Variants in BRINP2 observed in about 807,000 individuals in gnomAD.
The protein encoded by BRINP2 is BMP/retinoic acid inducible neural specific 2.
BRINP2 carries 21 observed loss-of-function variants against 69.2 expected under a neutral mutation model. The observed-to-expected ratio is 0.30, with a 90% CI of 0.22 to 0.44. The LOEUF (loss-of-function observed/expected upper bound fraction) is 0.44. BRINP2 is among the 20% of genes least tolerant of loss of function. The pLI, the probability that BRINP2 is intolerant of heterozygous loss-of-function variation, is 1.00. For missense variants in BRINP2, 877 were observed against 986.0 expected (o/e 0.89, Z 1.48); for synonymous variants, 380 against 394.1 (o/e 0.96, Z 0.42).
intron 4 of BRINP2, among the ~76,000 whole-genome samples, chr1:177,271,608 T>C (rs936515262): frequency 5.3e-5 from 8 of 152,072 alleles, no homozygotes; most frequent in African/African-American, 1.9e-4. Context: ...TCCCAGAGAG[T>C]TCTTGGGAAA....
intron 1 of BRINP2, among the ~76,000 whole-genome samples, chr1:177,179,359 A>G (rs992316069): frequency 3.9e-5 from 6 of 152,192 alleles, no homozygotes; most frequent in Non-Finnish European, 8.8e-5. Context: ...TGTTTCTTCT[A>G]TGTAACCAAG....
rs183869400 is a variant in BRINP2, at chr1:177,184,570, G to A, written c.-77+12838G>A. Among the ~76,000 whole-genome samples, 54 of 152,042 alleles carry A rather than the reference G, an allele frequency of 3.6e-4. 1 individual carries two copies. Among genetic ancestry groups the A allele is most frequent in the African/African-American group, 1.2e-3 (50 of 41,480 alleles). Reference sequence around the variant, plus strand: ...ACTGCAGCCAAGGTCCTACAATGATGCGAAGAGGCCAAGTAGTATGTCTAC... The same window carrying A: ...ACTGCAGCCAAGGTCCTACAATGATACGAAGAGGCCAAGTAGTATGTCTAC... On this transcript the variant is annotated intron_variant, in intron 1 of 7. Transcript: ENST00000361539.
At chr1:177,272,701 G>T (rs1393238498) in intron 4 of BRINP2, among the ~76,000 whole-genome samples, 1 of 152,154 alleles carries the variant, frequency 6.6e-6, no homozygotes, top group East Asian at 1.9e-4. Flanking sequence ...AACAGTGGCT[G>T]CTCAATAAAT....
At chr1:177,218,697 CCT>C (rs1649443360) in intron 1 of BRINP2, among the ~76,000 whole-genome samples, 1 of 152,074 alleles carries the variant, frequency 6.6e-6, no homozygotes, top group South Asian at 2.1e-4. Context: ...TAGGGAATTT[CCT>C]CTGTGTGGCA....
intron 1 of BRINP2, among the ~76,000 whole-genome samples, chr1:177,200,292 T>TAA (rs1648866674): frequency 2.9e-4 from 2 of 6,934 alleles, no homozygotes; most frequent in African/African-American, 3.8e-4. Context: ...AAACTCTGTC[T>TAA]CAAAAAAAAA....
chr1:177,204,562 G>A (rs1649016872), intron 1 of BRINP2, among the ~76,000 whole-genome samples: 1 of 152,132 alleles, frequency 6.6e-6, no homozygotes, highest in South Asian at 2.1e-4. Context: ...GGTGTCAAAT[G>A]GGCTTATGCA....
At chr1:177,278,430 AGGGAAAT>A in intron 6 of BRINP2, 126 bp from the exon 7 acceptor site, 1 of 773,238 alleles carries the variant, frequency 1.3e-6, no homozygotes, top group Non-Finnish European at 2.2e-6. Flanking sequence ...AAAAGCACCC[AGGGAAAT>A]GGGTGTGCAG....
At chr1:177,208,886 T>G (rs1034445384) in intron 1 of BRINP2, among the ~76,000 whole-genome samples, 1 of 152,222 alleles carries the variant, frequency 6.6e-6, no homozygotes, top group Non-Finnish European at 1.5e-5. Flanking sequence ...GGTGTGTTGA[T>G]GGTACCCAGA....
At chr1:177,253,892 G>A (rs1650666253) in intron 2 of BRINP2, among the ~76,000 whole-genome samples, 1 of 151,792 alleles carries the variant, frequency 6.6e-6, no homozygotes, top group South Asian at 2.1e-4. Flanking sequence ...ATGGACATTT[G>A]GGGAAGGTTA....
chr1:177,256,040 C>G lies in BRINP2; in HGVS notation c.391C>G (p.Leu131Val). Residue 131 changes from leucine (L) to valine (V), a missense_variant, in exon 3 of 8, where the codon CTG (leucine) becomes GTG (valine). Leu to Val is a conservative substitution (Grantham distance 32). Transcript: ENST00000361539. ...NIRLLGRRPNLQQVTENLIKK... is the reference protein window; with the variant it reads ...NIRLLGRRPNVQQVTENLIKK... ...TCGCCTCCTTGGAAGGAGACCCAAT[C>G]TGCAACAGGTTACAGAAAATCTGAT... 6.2e-7 allele frequency: 1 copy of G among 1,614,204 alleles called. No individual in the cohort carries two copies. The highest frequency in any genetic ancestry group is 2.2e-5 in the East Asian group (1 of 44,876).
chr1:177,262,815 T>G (rs1481390273), intron 4 of BRINP2, among the ~76,000 whole-genome samples: 1 of 152,150 alleles, frequency 6.6e-6, no homozygotes, highest in East Asian at 1.9e-4. Context: ...AATGGTCTTT[T>G]GAGAATAAGA....
intron 2 of BRINP2, among the ~76,000 whole-genome samples, chr1:177,241,468 T>C (rs1650203226): frequency 6.6e-6 from 1 of 152,200 alleles, no homozygotes; most frequent in South Asian, 2.1e-4. Context: ...CTAGACTCGT[T>C]AGCGCTTTGT....
chr1:177,281,169 C>G lies in BRINP2; in HGVS notation c.1993C>G (p.Pro665Ala), dbSNP rs764250922. The G allele has an allele frequency of 6.2e-7, 1 of 1,614,176 alleles. No individual in the cohort carries two copies. Among genetic ancestry groups the G allele is most frequent in the South Asian group, 1.1e-5 (1 of 91,082 alleles). ...DSSNETIYYE[P>A]LEMTDPSKNL... ...CTCCAATGAGACAATCTACTATGAGCCCCTGGAGATGACTGATCCCTCTAA... is the reference window on the plus strand; with the variant it reads ...CTCCAATGAGACAATCTACTATGAGGCCCTGGAGATGACTGATCCCTCTAA... The change falls in exon 8 of 8, where the codon CCC becomes GCC. Residue 665 changes from proline to alanine, a missense_variant. By Grantham distance (27) the Pro-to-Ala change is conservative. This residue lies in a region of BRINP2 where 225 missense variants were observed against 218.7 expected (regional missense o/e 1.03). Transcript: ENST00000361539.
rs1461000407 is a variant in BRINP2 at position 177,281,100 on chromosome 1, G to C, written c.1924G>C (p.Val642Leu). ...TAGGTGGAAGACTTTCTTTGAGACA[G>C]TTCATGTTTACCTACGGAGCCGAAT... ...GNRWKTFFETVHVYLRSRIKS... is the reference protein window; with the variant it reads ...GNRWKTFFETLHVYLRSRIKS... Residue 642 changes from valine to leucine, a missense_variant, in exon 8 of 8, where the codon GTT (valine) becomes CTT (leucine). Val to Leu is a conservative substitution (Grantham distance 32, BLOSUM62 1). Coordinates refer to ENST00000361539, the MANE Select transcript of BRINP2 (RefSeq NM_021165.4). 3.4e-5 allele frequency: 55 copies of C among 1,614,090 alleles called. No homozygotes were observed. The highest frequency in any genetic ancestry group is 4.7e-5 in the Non-Finnish European group (55 of 1,180,054).
At chr1:177,218,003 G>C in intron 1 of BRINP2, among the ~76,000 whole-genome samples, 1 of 152,220 alleles carries the variant, frequency 6.6e-6, no homozygotes, top group Middle Eastern at 3.2e-3. Context: ...AACTGCTATG[G>C]TCAGTAGAAA....
At chr1:177,266,180 T>C (rs1382685954) in intron 4 of BRINP2, among the ~76,000 whole-genome samples, 1 of 151,980 alleles carries the variant, frequency 6.6e-6, no homozygotes, top group African/African-American at 2.4e-5. Context: ...TGAAAAAGAT[T>C]AATTCCTGTT....
intron 1 of BRINP2, among the ~76,000 whole-genome samples, chr1:177,194,954 A>G (rs1648700455): frequency 6.6e-6 from 1 of 152,092 alleles, no homozygotes. Context: ...AATAACTTCT[A>G]CCCATTCATT....
chr1:177,193,119 C>A (rs1011262521), intron 1 of BRINP2, among the ~76,000 whole-genome samples: 1 of 152,140 alleles, frequency 6.6e-6, no homozygotes. Flanking sequence ...TGTCTACAGG[C>A]AGTGTGGTAA....
At chr1:177,173,499 T>A (rs1465522205) in intron 1 of BRINP2, among the ~76,000 whole-genome samples, 1 of 152,084 alleles carries the variant, frequency 6.6e-6, no homozygotes, top group Non-Finnish European at 1.5e-5. Context: ...TCTCCCAGAA[T>A]GGAGTGATGT....
Sources: gnomAD v4.1 joint callset for allele counts (sites outside exome capture counted in the v4.1 genomes callset) on GRCh38, gnomAD v4.1.1 for gene constraint, gnomAD v4.1.1 regional missense constraint, MANE v1.5 for transcripts, NCBI Gene and HGNC (gene_info 2026-07-23, HGNC 2026-07-21) for gene names.